PPFIA3: variants seen among roughly 807,000 people sequenced by gnomAD.
The protein encoded by PPFIA3 is PPFI scaffold protein A3.
In PPFIA3, 26 loss-of-function variants were observed where a neutral mutation model predicts 145.8. The observed-to-expected ratio is 0.18, with a 90% CI of 0.13 to 0.25. PPFIA3 has a LOEUF of 0.25. Among genes scored for constraint, PPFIA3 ranks in the 10% least tolerant of loss-of-function variants. The pLI is 1.00. For missense variants in PPFIA3, 1,008 were observed against 1,587.8 expected, an observed-to-expected ratio of 0.63 and a Z score of 6.21; for synonymous variants, 645 against 661.4, an observed-to-expected ratio of 0.98 and a Z score of 0.38.
chr19:49,143,211 C>G (rs2041244546), intron 21 of PPFIA3, among the ~76,000 whole-genome samples: 1 of 152,212 alleles, frequency 6.6e-6, no homozygotes, highest in African/African-American at 2.4e-5. Context: ...CCACCTCCTT[C>G]CCTGACTCTC....
chr19:49,128,899 C>T lies in PPFIA3; in HGVS notation c.394C>T (p.Arg132Cys). Reference sequence around the variant, plus strand: ...GGTGTCCAGGCACGAGAGGTCACTGCGCATGACCGTGGTGAAGCGCCAGGC... The same window carrying T: ...GGTGTCCAGGCACGAGAGGTCACTGTGCATGACCGTGGTGAAGCGCCAGGC... Reference protein sequence around the residue: ...CLVSRHERSLRMTVVKRQAQS... With the variant: ...CLVSRHERSLCMTVVKRQAQS... Residue 132 changes from arginine to cysteine, a missense_variant, in exon 4 of 30, where the codon CGC becomes TGC. By Grantham distance (180) the Arg-to-Cys change is radical. This residue lies in a region of PPFIA3 where 25 missense variants were observed against 85.2 expected (regional missense o/e 0.29). Transcript: ENST00000334186. This position sits in a 1 kb window ranked among gnomAD's most constrained non-coding sequence, Gnocchi z 4.1. The T allele has an allele frequency of 6.2e-7, 1 of 1,613,784 alleles. No individual in the cohort carries two copies. Among genetic ancestry groups the T allele is most frequent in the Non-Finnish European group, 8.5e-7 (1 of 1,179,884 alleles).
chr19:49,137,971 C>CCAAT, intron 15 of PPFIA3, among the ~76,000 whole-genome samples: 1 of 152,092 alleles, frequency 6.6e-6, no homozygotes, highest in East Asian at 1.9e-4. Context: ...GATACAAACC[C>CCAAT]CAATCACCTT....
At position 49,130,479 on chromosome 19, in the gene PPFIA3, G is replaced by A. The variant is rs1207658578; in HGVS notation, c.759G>A (p.Arg253=). ...AGCGCGCCGAGGTGTGCCAGCTGCG[G>A]GAGCGCCTGGCGGTGCTGTGCCGTC... ...ERQRAEVCQL[R]ERLAVLCRQM... The change falls in exon 7 of 30, where the codon CGG becomes CGA. Residue 253 remains arginine, a synonymous_variant. Transcript: ENST00000334186. This position sits in a 1 kb window ranked among gnomAD's most constrained non-coding sequence, Gnocchi z 4.5. 6.2e-7 allele frequency: 1 copy of A among 1,605,644 alleles called. No individual in the cohort carries two copies. The highest frequency in any genetic ancestry group is 2.2e-5 in the East Asian group (1 of 44,592).
At chr19:49,132,579 G>C (rs930431658) in intron 7 of PPFIA3, among the ~76,000 whole-genome samples, 1 of 151,952 alleles carries the variant, frequency 6.6e-6, no homozygotes, top group Non-Finnish European at 1.5e-5. Context: ...TGGTACCCTG[G>C]TAGCTCTTGA....
chr19:49,122,011 C>T (rs2040941937), intron 1 of PPFIA3, among the ~76,000 whole-genome samples: 1 of 151,842 alleles, frequency 6.6e-6, no homozygotes. Flanking sequence ...CAGAACACTC[C>T]CAGCTGATGT....
At position 49,128,212 on chromosome 19, in the gene PPFIA3, T is replaced by C. The variant is rs147391976; in HGVS notation, c.240+99T>C. 0.02 allele frequency: 29,747 copies of C among 1,473,512 alleles called. 396 individuals carry two copies. The highest frequency in any genetic ancestry group is 0.022 in the Non-Finnish European group (24,340 of 1,100,378). The allele number at this position is 1,473,512 out of a possible 1,614,324, so 91.3% of individuals were successfully genotyped here. ...GCTTGGCGCCTGGAAGGGAGGAGTCTGGGCGAGGCTTGCCGTTAATGGGCG... is the reference window on the plus strand; with the variant it reads ...GCTTGGCGCCTGGAAGGGAGGAGTCCGGGCGAGGCTTGCCGTTAATGGGCG... On this transcript the variant is annotated intron_variant, in intron 2 of 29. Transcript: ENST00000334186. The surrounding 1 kb of genome is among the most constrained non-coding windows in gnomAD (Gnocchi z 4.1).
intron 5 of PPFIA3, 36 bp downstream of exon 5, chr19:49,129,490 A>G (rs1283662103): frequency 6.5e-7 from 1 of 1,548,768 alleles, no homozygotes; most frequent in Non-Finnish European, 8.7e-7. Flanking sequence ...TTTGAATCCA[A>G]GGGGAGGGGC....
intron 1 of PPFIA3, among the ~76,000 whole-genome samples, chr19:49,122,966 C>T (rs1201904223): frequency 1.3e-5 from 2 of 152,048 alleles, no homozygotes; most frequent in African/African-American, 2.4e-5. Flanking sequence ...CGTGATCCAC[C>T]TGCCTCTGCC....
chr19:49,122,716 T>G (rs78133461), intron 1 of PPFIA3, among the ~76,000 whole-genome samples: 3,201 of 74,952 alleles, frequency 0.043, 149 homozygotes, highest in African/African-American at 0.13. Context: ...GTTTAGTTGT[T>G]TTTTTTTTTT....
chr19:49,139,584 C>T, intron 16 of PPFIA3, 84 bp from the exon 17 acceptor site: 1 of 1,419,332 alleles, frequency 7.0e-7, no homozygotes, highest in Non-Finnish European at 9.4e-7. Context: ...ACCCCACACA[C>T]ACCTTAGTAG....
At chr19:49,121,301 CTT>C (rs908643208) in intron 1 of PPFIA3, among the ~76,000 whole-genome samples, 46 of 152,078 alleles carry the variant, frequency 3.0e-4, no homozygotes, top group African/African-American at 1.1e-3. Context: ...ATACAAATTT[CTT>C]TCTTTCTATT....
At chr19:49,145,733 C>A (rs2041272319) in intron 21 of PPFIA3, 4 of 592,178 alleles carry the variant, frequency 6.8e-6, no homozygotes, top group Non-Finnish European at 1.2e-5. Context: ...GGTCCCAATT[C>A]CAACCTGAAT....
chr19:49,136,699 T>G, intron 14 of PPFIA3, 25 bp from the exon 15 acceptor site: 1 of 1,376,102 alleles, frequency 7.3e-7, no homozygotes. Context: ...CCACCTAATG[T>G]CCCTCTGTCC....
intron 21 of PPFIA3, among the ~76,000 whole-genome samples, chr19:49,144,647 G>C (rs745680252): frequency 1.3e-5 from 2 of 151,980 alleles, no homozygotes; most frequent in African/African-American, 4.8e-5. Context: ...CCAGGAGGTC[G>C]AGGCTGCAGT....
chr19:49,146,092 G>A, intron 22 of PPFIA3, 74 bp from the exon 23 acceptor site: 2 of 1,608,822 alleles, frequency 1.2e-6, no homozygotes, highest in South Asian at 2.2e-5. Flanking sequence ...CCATCCCTAA[G>A]TCCGCTCCTT....
chr19:49,149,109 G>C lies in PPFIA3; in HGVS notation c.3226G>C (p.Glu1076Gln). 6.2e-7 allele frequency: 1 copy of C among 1,614,184 alleles called. No individual in the cohort carries two copies. The highest frequency in any genetic ancestry group is 8.5e-7 in the Non-Finnish European group (1 of 1,180,038). The stretch of plus-strand genomic sequence containing the variant: ...ACACGGGGCACTGCTCGCCCTGGAC[G>C]AGACCTTCGACTACTCCGACCTGGC... ...GVHGALLALD[E>Q]TFDYSDLALL... The change falls in exon 26 of 30, where the codon GAG (glutamate) becomes CAG (glutamine). Residue 1076 changes from glutamate (E) to glutamine (Q), a missense_variant. This residue lies in a region of PPFIA3 where 125 missense variants were observed against 159.3 expected (regional missense o/e 0.78). Transcript: ENST00000334186. The surrounding 1 kb of genome is among the most constrained non-coding windows in gnomAD (Gnocchi z 5.7).
intron 21 of PPFIA3, among the ~76,000 whole-genome samples, chr19:49,143,556 A>G (rs1303234567): frequency 2.6e-5 from 4 of 151,994 alleles, no homozygotes; most frequent in African/African-American, 9.7e-5. Context: ...TATTTTTAGT[A>G]GAGACAGGGT....
intron 5 of PPFIA3, 73 bp downstream of exon 5, chr19:49,129,527 G>A (rs2041044078): frequency 6.8e-7 from 1 of 1,465,608 alleles, no homozygotes; most frequent in Non-Finnish European, 9.3e-7. Flanking sequence ...GGGCGGAGCC[G>A]GTTGGGTGGG....
Position 49,149,197 on chromosome 19 carries a change from T to TG in PPFIA3, c.3285+32dup, listed in dbSNP as rs1306167055. 3.1e-6 allele frequency: 5 copies of TG among 1,613,784 alleles called. No homozygotes were observed. The African/African-American group carries it at 5.3e-5, about 17-fold the overall frequency. Reference sequence around the variant, plus strand: ...AGCTGCCGCTGGGCCCGGAGCATGCTGGGCGTCCCCACCTCGCAGACTGCA... The same window carrying TG: ...AGCTGCCGCTGGGCCCGGAGCATGCTGGGGCGTCCCCACCTCGCAGACTGCA... On this transcript the variant is annotated intron_variant, in intron 26 of 29. Transcript: ENST00000334186. This position sits in a 1 kb window ranked among gnomAD's most constrained non-coding sequence, Gnocchi z 5.7.
Sources: gnomAD v4.1 joint callset for allele counts (sites outside exome capture counted in the v4.1 genomes callset) on GRCh38, gnomAD v4.1.1 for gene constraint, gnomAD v4.1.1 regional missense constraint, Gnocchi (gnomAD v3.1) non-coding constraint, MANE v1.5 for transcripts, NCBI Gene and HGNC (gene_info 2026-07-23, HGNC 2026-07-21) for gene names.